The following DMD variants were observed in gnomAD, a reference collection of about 807,000 sequenced individuals.
The protein encoded by DMD is dystrophin, also known as mutant dystrophin.
DMD carries 63 observed loss-of-function variants against 330.1 expected under a neutral mutation model. That is an observed-to-expected ratio of 0.19 (90% CI 0.16 to 0.24). The LOEUF is 0.24. Among genes scored for constraint, DMD ranks in the 10% least tolerant of loss-of-function variants. The probability of loss-of-function intolerance (pLI) is 1.00; values close to 1 mark genes in which losing one functional copy is unlikely to be tolerated. For missense variants in DMD, 3,344 were observed against 2,684.1 expected, an observed-to-expected ratio of 1.25 and a Z score of -5.43; for synonymous variants, 1,223 against 959.8, an observed-to-expected ratio of 1.27 and a Z score of -5.07.
intron 6 of DMD, among the ~76,000 whole-genome samples, chrX:32,815,380 T>TA (rs1367132223): frequency 5.7e-5 from 6 of 106,151 alleles, no homozygotes; most frequent in Non-Finnish European, 1.2e-4. Context: ...CAGTGACATT[T>TA]TAAACAGTTA....
intron 44 of DMD, among the ~76,000 whole-genome samples, chrX:32,213,080 T>C (rs2097099167): frequency 8.9e-6 from 1 of 112,228 alleles, no homozygotes; most frequent in South Asian, 3.7e-4. Context: ...TATCTATTTG[T>C]TTATTTCATA....
chrX:31,328,558 C>G (rs768469242), intron 61 of DMD, among the ~76,000 whole-genome samples: 8 of 110,956 alleles, frequency 7.2e-5, no homozygotes, highest in African/African-American at 9.9e-5. Flanking sequence ...TGAGAGGGAG[C>G]TGGATATAGC....
chrX:32,563,196 G>A (rs1265508065), intron 16 of DMD, among the ~76,000 whole-genome samples: 1 of 108,541 alleles, frequency 9.2e-6, no homozygotes, highest in African/African-American at 3.4e-5. Context: ...AAAAATTAGT[G>A]GGGTGTCATG....
intron 1 of DMD, among the ~76,000 whole-genome samples, chrX:33,075,387 G>C (rs749311520): frequency 1.8e-5 from 2 of 111,497 alleles, no homozygotes; most frequent in Admixed American, 1.9e-4. Flanking sequence ...TTGAGTAATA[G>C]TAAAACTCTG....
At chrX:32,949,356 AGATAGAT>A (rs1354486865) in intron 2 of DMD, among the ~76,000 whole-genome samples, 20 of 82,693 alleles carry the variant, frequency 2.4e-4, no homozygotes, top group African/African-American at 1.4e-3. Flanking sequence ...ATAGATAGAT[AGATAGAT>A]AGATAGATAG....
At chrX:31,694,617 C>CATATATAT (rs34933227) in intron 52 of DMD, among the ~76,000 whole-genome samples, 1,103 of 57,902 alleles carry the variant, frequency 0.019, 10 homozygotes, top group African/African-American at 0.031. Flanking sequence ...TGACAAACAG[C>CATATATAT]ATATATATAT....
chrX:32,174,401 T>C (rs1330490514), intron 44 of DMD, among the ~76,000 whole-genome samples: 1 of 112,580 alleles, frequency 8.9e-6, no homozygotes, highest in Non-Finnish European at 1.9e-5. Context: ...ACAACAACTG[T>C]TAGCTCTGAA....
intron 62 of DMD, among the ~76,000 whole-genome samples, chrX:31,264,326 C>T (rs1050374063): frequency 3.6e-5 from 4 of 111,715 alleles, no homozygotes; most frequent in Admixed American, 9.5e-5. Flanking sequence ...GCATTTCACT[C>T]TCCACATCGG....
intron 18 of DMD, among the ~76,000 whole-genome samples, chrX:32,504,863 C>A (rs181684496): frequency 2.7e-5 from 3 of 110,492 alleles, no homozygotes; most frequent in African/African-American, 9.9e-5. Context: ...CAAACCTGCA[C>A]ATTTACTCTT....
At chrX:32,623,043 C>A (rs923653346) in intron 11 of DMD, among the ~76,000 whole-genome samples, 1 of 112,043 alleles carries the variant, frequency 8.9e-6, no homozygotes, top group East Asian at 2.8e-4. Flanking sequence ...GTGACACTGG[C>A]AGGGAAGTAT....
intron 44 of DMD, among the ~76,000 whole-genome samples, chrX:32,195,333 A>G (rs1004296957): frequency 9.0e-6 from 1 of 111,196 alleles, no homozygotes; most frequent in African/African-American, 3.3e-5. Context: ...CAAGAGAAAT[A>G]TGGGATGGAA....
chrX:32,565,968 C>T, intron 15 of DMD, 87 bp from the exon 16 acceptor site: 1 of 824,016 alleles, frequency 1.2e-6, no homozygotes, highest in African/African-American at 2.0e-5. Flanking sequence ...TGTATTTGCT[C>T]ATTTGCATAG....
At chrX:31,484,089 A>C (rs1339381964) in intron 57 of DMD, among the ~76,000 whole-genome samples, 1 of 111,864 alleles carries the variant, frequency 8.9e-6, no homozygotes, top group African/African-American at 3.2e-5. Flanking sequence ...GTTGTAGTAT[A>C]ATTTATTGCA....
chrX:33,112,767 T>A (rs772271937), intron 1 of DMD, among the ~76,000 whole-genome samples: 1 of 109,534 alleles, frequency 9.1e-6, no homozygotes, highest in East Asian at 2.9e-4. Context: ...ATAGCTCCAA[T>A]AAAATATTAA....
At chrX:32,044,624 G>C (rs1443585897) in intron 44 of DMD, among the ~76,000 whole-genome samples, 1 of 109,640 alleles carries the variant, frequency 9.1e-6, no homozygotes, top group African/African-American at 3.3e-5. Flanking sequence ...GGGTTTCACT[G>C]TGTTAGCCAG....
At chrX:32,846,530 T>C (rs1034686820) in intron 3 of DMD, among the ~76,000 whole-genome samples, 2 of 110,526 alleles carry the variant, frequency 1.8e-5, no homozygotes, top group Non-Finnish European at 3.8e-5. Context: ...GTAACTTGCC[T>C]GATATCCTTT....
intron 60 of DMD, among the ~76,000 whole-genome samples, chrX:31,378,445 TAG>T (rs1472185736): frequency 9.0e-6 from 1 of 111,441 alleles, no homozygotes; most frequent in Non-Finnish European, 1.9e-5. Flanking sequence ...CCTTTTCTGG[TAG>T]AGACAGGAGA....
intron 2 of DMD, among the ~76,000 whole-genome samples, chrX:32,928,954 C>G (rs1016413179): frequency 8.9e-6 from 1 of 111,732 alleles, no homozygotes; most frequent in African/African-American, 3.3e-5. Context: ...TTACCCATAA[C>G]GTAAAGGAAG....
At chrX:33,154,473 G>C (rs1378369462) in intron 1 of DMD, among the ~76,000 whole-genome samples, 2 of 111,498 alleles carry the variant, frequency 1.8e-5, no homozygotes, top group Non-Finnish European at 3.8e-5. Flanking sequence ...CTCAGTCTTT[G>C]AATTTAGTCT....
Sources: allele counts gnomAD v4.1 joint callset (sites outside exome capture counted in the v4.1 genomes callset), GRCh38; gene constraint gnomAD v4.1.1; transcripts MANE v1.5; gene names NCBI Gene and HGNC (gene_info 2026-07-23, HGNC 2026-07-21).